Variants in TXNDC8 observed in about 807,000 individuals in gnomAD.
TXNDC8 encodes the protein thioredoxin domain containing 8.
A neutral mutation model predicts 12.9 loss-of-function variants in TXNDC8; 15 were observed. The observed-to-expected ratio is 1.16, with a 90% CI of 0.78 to 1.79. The LOEUF is 1.79. Ranked by LOEUF, TXNDC8 falls within the 40% of genes most tolerant of loss-of-function variation. The pLI is 0.00. For synonymous variants in TXNDC8, 40 were observed against 35.4 expected (o/e 1.13, Z -0.46); for missense variants, 128 against 113.2 (o/e 1.13, Z -0.59).
intron 2 of TXNDC8, among the ~76,000 whole-genome samples, chr9:110,327,236 T>C (rs1839358325): frequency 6.6e-6 from 1 of 152,078 alleles, no homozygotes; most frequent in Non-Finnish European, 1.5e-5. Context: ...AGTTACCATA[T>C]TACCCCAAAA....
At chr9:110,314,045 A>G (rs1054148240) in intron 3 of TXNDC8, among the ~76,000 whole-genome samples, 1 of 152,230 alleles carries the variant, frequency 6.6e-6, no homozygotes, top group African/African-American at 2.4e-5. Flanking sequence ...CTAAAGGGAA[A>G]AGTCAAGCTG....
intron 3 of TXNDC8, chr9:110,323,186 TAAA>T (rs1839177882): frequency 1.0e-6 from 1 of 985,198 alleles, no homozygotes; most frequent in Non-Finnish European, 1.2e-6. Context: ...ATTGTCTAAG[TAAA>T]AAAGTATTTA....
Position 110,304,491 on chromosome 9 carries a change from A to G in TXNDC8, c.237T>C (p.Tyr79=), listed in dbSNP as rs745843543. ...CCAGGTTGCTCATGAATCCACTTCT[A>G]TAACAGCAAATTATTCTTTTGATTC... is the stretch of plus-strand genomic sequence containing the variant. The change falls in exon 4 of 5, where the codon TAT becomes TAC. Residue 79 remains tyrosine, a synonymous_variant. Transcript: ENST00000423740. 100 of 1,610,592 alleles carry G rather than the reference A, an allele frequency of 6.2e-5. No individual in the cohort carries two copies. The South Asian group carries it at 7.2e-4, about 12-fold the overall frequency.
chr9:110,317,518 C>G lies in TXNDC8; in HGVS notation c.195+8657G>C, dbSNP rs142383773. On this transcript the variant is annotated intron_variant, in intron 3 of 4. Transcript: ENST00000423740. ...AACACATGGGAAGTGGGCCCTAAACCTGCCCAGATAGATCTGGAAGGCCAT... is the reference window on the plus strand; with the variant it reads ...AACACATGGGAAGTGGGCCCTAAACGTGCCCAGATAGATCTGGAAGGCCAT... 2.3e-4 allele frequency among the ~76,000 whole-genome samples: 35 copies of G among 152,310 alleles called. No individual in the cohort carries two copies. The East Asian group carries it at 5.4e-3, about 23-fold the overall frequency.
chr9:110,334,429 A>C lies in TXNDC8; in HGVS notation c.25-109T>G, dbSNP rs1587995454. ...TTGGTTTTGTTTTTGGTTTTTTTAA[A>C]GCCAGGTTATCACTATGCTGCCCAG... is the stretch of plus-strand genomic sequence containing the variant. On this transcript the variant is annotated intron_variant, in intron 1 of 4. Transcript: ENST00000423740. The C allele has an allele frequency of 1.4e-5, 13 of 951,298 alleles. No homozygotes were observed. The East Asian group carries it at 3.4e-4, about 25-fold the overall frequency. 58.9% of individuals were successfully genotyped at this position (951,298 alleles called of 1,614,324 possible).
At chr9:110,312,986 A>G (rs1397912748) in intron 3 of TXNDC8, among the ~76,000 whole-genome samples, 2 of 152,022 alleles carry the variant, frequency 1.3e-5, no homozygotes, top group Non-Finnish European at 2.9e-5. Flanking sequence ...GTTCACTGCA[A>G]CCTCCGCCAC....
At chr9:110,301,420 C>G (rs1838269040), downstream of TXNDC8, among the ~76,000 whole-genome samples, 1 of 152,170 alleles carries the variant, frequency 6.6e-6, no homozygotes, top group African/African-American at 2.4e-5. Flanking sequence ...ACAACTTTTG[C>G]TTTAAATTGT....
intron 2 of TXNDC8, among the ~76,000 whole-genome samples, chr9:110,327,423 A>G (rs1423798911): frequency 6.6e-6 from 1 of 151,870 alleles, no homozygotes. Flanking sequence ...CCCAGGTTCA[A>G]GCGATTCTCC....
At chr9:110,304,615 T>C in intron 3 of TXNDC8, 83 bp from the exon 5 acceptor site, 1 of 1,308,204 alleles carries the variant, frequency 7.6e-7, no homozygotes, top group Non-Finnish European at 1.1e-6. Context: ...CTTTTGGCCT[T>C]GGCCAGGGAA....
At chr9:110,329,413 C>A in intron 2 of TXNDC8, 122 bp from the exon 3 acceptor site, 1 of 699,810 alleles carries the variant, frequency 1.4e-6, no homozygotes, top group Non-Finnish European at 2.4e-6. Context: ...GACTAAGCAT[C>A]ATTCTGACAT....
At chr9:110,337,564 G>A (rs1467747722) in intron 1 of TXNDC8, among the ~76,000 whole-genome samples, 1 of 152,198 alleles carries the variant, frequency 6.6e-6, no homozygotes, top group Non-Finnish European at 1.5e-5. Flanking sequence ...GAGGAAGAAA[G>A]CCCTTCTTTA....
At chr9:110,303,750 A>G (rs1587943790) in intron 4 of TXNDC8, 167 bp from the exon 6 acceptor site, 1 of 1,492,086 alleles carries the variant, frequency 6.7e-7, no homozygotes, top group East Asian at 2.5e-5. Flanking sequence ...AATTCATAAT[A>G]TTTTCATATT....
chr9:110,329,321 T>A, intron 2 of TXNDC8, 30 bp from the exon 3 acceptor site: 1 of 1,547,584 alleles, frequency 6.5e-7, no homozygotes, highest in Non-Finnish European at 8.8e-7. Context: ...TATTTCCCAT[T>A]AGTTTGGTGT....
chr9:110,317,960 G>A (rs1838947664), intron 3 of TXNDC8, among the ~76,000 whole-genome samples: 3 of 152,236 alleles, frequency 2.0e-5, no homozygotes, highest in Admixed American at 2.0e-4. Flanking sequence ...ACCATGCCAT[G>A]CTGGCGTGTC....
chr9:110,305,039 A>C (rs553337357), intron 3 of TXNDC8, among the ~76,000 whole-genome samples: 17 of 149,830 alleles, frequency 1.1e-4, no homozygotes, highest in African/African-American at 3.7e-4. Context: ...TTCCAGCTAC[A>C]TGGGAGGCGG....
At position 110,304,457 on chromosome 9, in the gene TXNDC8, T is replaced by C. The variant is rs1195995116; in HGVS notation, c.261+10A>G. The C allele has an allele frequency of 3.7e-6, 6 of 1,608,334 alleles. No homozygotes were observed. Among genetic ancestry groups the C allele is most frequent in the Non-Finnish European group, 5.1e-6 (6 of 1,176,258 alleles). On this transcript the variant is annotated intron_variant, in intron 4 of 4. Coordinates refer to ENST00000423740, the MANE Select transcript of TXNDC8 (RefSeq NM_001286946.2). ...GATTTCTAACTCTAACTTGATCCCA[T>C]TTCACTTACCAGGTTGCTCATGAAT...
chr9:110,326,833 T>C (rs1266518087), intron 2 of TXNDC8, among the ~76,000 whole-genome samples: 1 of 152,024 alleles, frequency 6.6e-6, no homozygotes, highest in African/African-American at 2.4e-5. Flanking sequence ...TTTTCTTGTT[T>C]AGGAGTCAAA....
At chr9:110,323,052 G>A (rs41278425) in intron 3 of TXNDC8, 178,282 of 985,130 alleles carry the variant, frequency 0.18, 17,074 homozygotes, top group East Asian at 0.46. Flanking sequence ...GTTTAGCCTT[G>A]ATTCTATAGG....
chr9:110,333,783 A>G (rs1839636269), intron 2 of TXNDC8, among the ~76,000 whole-genome samples: 1 of 152,238 alleles, frequency 6.6e-6, no homozygotes, highest in Non-Finnish European at 1.5e-5. Context: ...GAAAAATAAC[A>G]AAGACATATG....
Sources: allele counts gnomAD v4.1 joint callset (sites outside exome capture counted in the v4.1 genomes callset), GRCh38; gene constraint gnomAD v4.1.1; transcripts MANE v1.5; gene names NCBI Gene and HGNC (gene_info 2026-07-23, HGNC 2026-07-21).